Variants in PDZRN4 observed in about 807,000 individuals in gnomAD.
The protein encoded by PDZRN4 is PDZ domain-containing RING finger protein 4.
PDZRN4 carries 70 observed loss-of-function variants against 99.0 expected under a neutral mutation model. The observed-to-expected ratio is 0.71, with a 90% confidence interval of 0.58 to 0.86. The LOEUF is 0.86. Ranked by LOEUF, PDZRN4 falls within the 40% of genes least tolerant of loss-of-function variation. PDZRN4 has a pLI of 0.00. For missense variants in PDZRN4, 1,474 were observed against 1,331.2 expected (o/e 1.11, Z -1.67); for synonymous variants, 551 against 501.6 (o/e 1.10, Z -1.32).
At chr12:41,534,725 G>A (rs1032600532) in intron 5 of PDZRN4, among the ~76,000 whole-genome samples, 3 of 151,992 alleles carry the variant, frequency 2.0e-5, no homozygotes, top group Admixed American at 6.6e-5. Flanking sequence ...CCTAGGTATA[G>A]AACTCTAGGT....
intron 3 of PDZRN4, among the ~76,000 whole-genome samples, chr12:41,434,643 T>C (rs891913103): frequency 6.6e-6 from 1 of 152,202 alleles, no homozygotes; most frequent in Admixed American, 6.5e-5. Flanking sequence ...TCTTGACAAA[T>C]GTGTCCTATT....
chr12:41,486,757 G>A (rs1266687476), intron 3 of PDZRN4, among the ~76,000 whole-genome samples: 7 of 152,098 alleles, frequency 4.6e-5, no homozygotes, highest in African/African-American at 1.7e-4. Flanking sequence ...CAAGGTAAAA[G>A]TCCCTGTCCA....
intron 3 of PDZRN4, among the ~76,000 whole-genome samples, chr12:41,462,449 A>G (rs567357906): frequency 1.3e-5 from 2 of 152,336 alleles, no homozygotes; most frequent in South Asian, 4.1e-4. Flanking sequence ...ATTAGTCACA[A>G]GATGCTGCTA....
chr12:41,499,037 A>G (rs1938063658), intron 3 of PDZRN4, among the ~76,000 whole-genome samples: 1 of 152,112 alleles, frequency 6.6e-6, no homozygotes. Context: ...ACGCATGAGC[A>G]GAGTTAACAT....
At chr12:41,330,305 C>T (rs976747291) in intron 3 of PDZRN4, among the ~76,000 whole-genome samples, 4 of 151,904 alleles carry the variant, frequency 2.6e-5, no homozygotes, top group African/African-American at 9.7e-5. Flanking sequence ...CTTGACATTC[C>T]AAGTGTTGCT....
intron 3 of PDZRN4, among the ~76,000 whole-genome samples, chr12:41,416,317 A>C (rs991759153): frequency 6.6e-6 from 1 of 152,174 alleles, no homozygotes; most frequent in African/African-American, 2.4e-5. Context: ...AAAACAAAAA[A>C]ATGGCGAAAG....
At chr12:41,386,157 A>G (rs750939376) in intron 3 of PDZRN4, among the ~76,000 whole-genome samples, 2 of 152,168 alleles carry the variant, frequency 1.3e-5, no homozygotes, top group Non-Finnish European at 2.9e-5. Context: ...TATTCAGGAA[A>G]TATACCTCAA....
chr12:41,387,462 G>A (rs1952178801), intron 3 of PDZRN4, among the ~76,000 whole-genome samples: 1 of 152,090 alleles, frequency 6.6e-6, no homozygotes, highest in Non-Finnish European at 1.5e-5. Context: ...GCGTGTGCCT[G>A]TAGTCCCAGC....
intron 7 of PDZRN4, among the ~76,000 whole-genome samples, 178 bp from the exon 8 acceptor site, chr12:41,563,370 G>A (rs1939306684): frequency 6.6e-6 from 1 of 152,126 alleles, no homozygotes; most frequent in South Asian, 2.1e-4. Flanking sequence ...GGATCGATAT[G>A]GCTCTTACAG....
intron 3 of PDZRN4, among the ~76,000 whole-genome samples, chr12:41,396,541 T>C (rs1952247340): frequency 1.3e-5 from 2 of 152,166 alleles, no homozygotes; most frequent in South Asian, 4.1e-4. Context: ...GCTCACAATT[T>C]ATGTGAGTCA....
intron 3 of PDZRN4, among the ~76,000 whole-genome samples, chr12:41,359,393 G>T (rs1421624385): frequency 6.6e-6 from 1 of 151,938 alleles, no homozygotes. Context: ...GCAATCTTCT[G>T]TAGGCAATCT....
At chr12:41,390,301 T>C (rs142486703) in intron 3 of PDZRN4, among the ~76,000 whole-genome samples, 29 of 152,258 alleles carry the variant, frequency 1.9e-4, no homozygotes, top group African/African-American at 6.5e-4. Context: ...AAATGAATAT[T>C]AATTGTTTCT....
chr12:41,267,757 C>G (rs953222313), intron 3 of PDZRN4, among the ~76,000 whole-genome samples: 1 of 151,850 alleles, frequency 6.6e-6, no homozygotes, highest in Non-Finnish European at 1.5e-5. Context: ...AGGAGAATTG[C>G]GTGAACCCAG....
rs188710902 is a variant in PDZRN4 at position 41,498,745 on chromosome 12, A to G, written c.844-7711A>G. Among the ~76,000 whole-genome samples, 13 of 152,258 alleles carry G rather than the reference A, an allele frequency of 8.5e-5. 1 individual carries two copies. In the East Asian group the frequency reaches 1.9e-3, roughly 23 times the overall value. On this transcript the variant is annotated intron_variant, in intron 3 of 9. Transcript: ENST00000402685. ...TACAAAATACCTGTACACATCAAAC[A>G]ACTATATAAATACTTTAAATTTGTT... is the stretch of plus-strand genomic sequence containing the variant.
chr12:41,459,981 T>A, intron 3 of PDZRN4: 1 of 1,288,046 alleles, frequency 7.8e-7, no homozygotes, highest in East Asian at 5.6e-5. Context: ...CTATTCTGCA[T>A]GAAATTGAGA....
chr12:41,373,899 A>G (rs1232159158), intron 3 of PDZRN4, among the ~76,000 whole-genome samples: 5 of 152,222 alleles, frequency 3.3e-5, no homozygotes, highest in African/African-American at 7.2e-5. Flanking sequence ...ATAAATGTCC[A>G]TGAAATCTTC....
At chr12:41,274,486 TAATG>T (rs1227294810) in intron 3 of PDZRN4, among the ~76,000 whole-genome samples, 2 of 152,164 alleles carry the variant, frequency 1.3e-5, no homozygotes, top group Non-Finnish European at 2.9e-5. Flanking sequence ...TTGCCTGAAT[TAATG>T]AAAGTTCCGA....
At chr12:41,338,316 T>G (rs1366905930) in intron 3 of PDZRN4, among the ~76,000 whole-genome samples, 1 of 152,114 alleles carries the variant, frequency 6.6e-6, no homozygotes, top group Non-Finnish European at 1.5e-5. Flanking sequence ...ACTATTCCAA[T>G]TCTTATACTT....
chr12:41,478,186 G>A (rs1937622433), intron 3 of PDZRN4, among the ~76,000 whole-genome samples: 1 of 152,090 alleles, frequency 6.6e-6, no homozygotes, highest in African/African-American at 2.4e-5. Context: ...TGCAATCTCG[G>A]CTCACTGCAA....
Sources: gnomAD v4.1 joint callset for allele counts (sites outside exome capture counted in the v4.1 genomes callset) on GRCh38, gnomAD v4.1.1 for gene constraint, MANE v1.5 for transcripts, NCBI Gene and HGNC (gene_info 2026-07-23, HGNC 2026-07-21) for gene names.